Variants in MED12L observed in about 807,000 individuals in gnomAD.
MED12L encodes mediator complex subunit 12L, also known as mediator of RNA polymerase II transcription subunit 12-like protein.
Under a neutral mutation model 281.3 loss-of-function variants are expected in MED12L, and 60 were observed. That is an observed-to-expected ratio of 0.21 (90% CI 0.17 to 0.26). The LOEUF is 0.26. Among genes scored for constraint, MED12L ranks in the 10% least tolerant of loss-of-function variants. The pLI is 1.00. For missense variants in MED12L, 2,146 were observed against 2,680.9 expected (o/e 0.80, Z 4.41); for synonymous variants, 974 against 987.2 (o/e 0.99, Z 0.25).
chr3:151,110,760 TTGTG>T (rs147753454), intron 2 of MED12L, among the ~76,000 whole-genome samples: 1 of 150,262 alleles, frequency 6.7e-6, no homozygotes, highest in Non-Finnish European at 1.5e-5. Context: ...GTATGTATGT[TTGTG>T]TGTGTGTGTG....
In MED12L at chr3:151,190,955, C is replaced by T. The variant is rs117308594; in HGVS notation, c.1968+24C>T. The stretch of plus-strand genomic sequence containing the variant: ...AGGTATGGCCCTGGATATGATGCCC[C>T]ACTCCCCCAGAAACTAAACTCTACT... On this transcript the variant is annotated intron_variant, in intron 14 of 44. Coordinates refer to ENST00000687756, the MANE Select transcript of MED12L (RefSeq NM_001393769.1). 3.3e-4 allele frequency: 525 copies of T among 1,601,768 alleles called. 6 individuals are homozygous for T. The East Asian group carries it at 8.5e-3, about 26-fold the overall frequency.
chr3:151,215,081 T>C (rs189035850), intron 16 of MED12L, among the ~76,000 whole-genome samples: 1 of 152,232 alleles, frequency 6.6e-6, no homozygotes, highest in African/African-American at 2.4e-5. Context: ...GTATTTTTGG[T>C]ATGGGATTAT....
At chr3:151,314,493 A>T (rs1461233386) in intron 16 of MED12L, among the ~76,000 whole-genome samples, 1 of 152,204 alleles carries the variant, frequency 6.6e-6, no homozygotes, top group Non-Finnish European at 1.5e-5. Context: ...GATAGTTACA[A>T]GTATAAGAAC....
intron 11 of MED12L, among the ~76,000 whole-genome samples, chr3:151,179,478 TC>T (rs1483970625): frequency 2.6e-5 from 4 of 152,186 alleles, no homozygotes; most frequent in African/African-American, 9.7e-5. Flanking sequence ...TTTTCTTATG[TC>T]CAAAGAATTG....
rs190651129 is a variant in MED12L, at chr3:151,093,553, G to A, written c.99+6528G>A. ...ATCTTTTGGATAATAAATACTACTCGAAGTATAGTACCTTTTGGTACTAAA... is the reference window on the plus strand; with the variant it reads ...ATCTTTTGGATAATAAATACTACTCAAAGTATAGTACCTTTTGGTACTAAA... On this transcript the variant is annotated intron_variant, in intron 2 of 44. Coordinates refer to ENST00000687756, the MANE Select transcript of MED12L (RefSeq NM_001393769.1). Among the ~76,000 whole-genome samples, 277 of 152,170 alleles carry A rather than the reference G, an allele frequency of 1.8e-3. 1 individual carries two copies. The highest frequency in any genetic ancestry group is 6.3e-3 in the African/African-American group (262 of 41,496).
intron 22 of MED12L, among the ~76,000 whole-genome samples, chr3:151,365,617 G>A (rs886352896): frequency 2.0e-5 from 3 of 152,022 alleles, no homozygotes; most frequent in African/African-American, 4.8e-5. Context: ...ATTCTAATTC[G>A]TGTATGTACT....
At position 151,388,013 on chromosome 3, in the gene MED12L, C is replaced by T. The variant is rs1174520693; in HGVS notation, c.5292C>T (p.Pro1764=). 2 of 1,613,882 alleles carry T rather than the reference C, an allele frequency of 1.2e-6. No homozygotes were observed. Among genetic ancestry groups the T allele is most frequent in the African/African-American group, 1.3e-5 (1 of 74,874 alleles). Residue 1764 remains proline (P), a synonymous_variant, in exon 37 of 45, where the codon CCC becomes CCT. Coordinates refer to ENST00000687756, the MANE Select transcript of MED12L (RefSeq NM_001393769.1). The stretch of plus-strand genomic sequence containing the variant: ...GCAGTTACTACCTCCAGCCACTGCC[C>T]CTGCCTCCTGAGGAGGAAGAGGAAG... ...KPRSYYLQPL[P]LPPEEEEEEP...
Position 151,378,023 on chromosome 3 carries a change from G to T in MED12L, c.4328G>T (p.Arg1443Leu), listed in dbSNP as rs1281559445. 1.2e-6 allele frequency: 2 copies of T among 1,603,518 alleles called. No homozygotes were observed. Among genetic ancestry groups the T allele is most frequent in the Non-Finnish European group, 1.7e-6 (2 of 1,173,778 alleles). The change falls in exon 31 of 45, where the codon CGC (arginine) becomes CTC (leucine). Residue 1443 changes from arginine (R) to leucine (L), a missense_variant. Arg to Leu is a moderately radical substitution (Grantham distance 102, BLOSUM62 -2). Coordinates refer to ENST00000687756, the MANE Select transcript of MED12L (RefSeq NM_001393769.1). ...GTTTCTGATTTTAGTTCCTCCGAAC[G>T]CAGGGGTGTATGGTTGGTGGCCCCC... ...GIKTFLSSSERRGVWLVAPLI... is the reference protein window; with the variant it reads ...GIKTFLSSSELRGVWLVAPLI...
chr3:151,107,447 G>A (rs1243971929), intron 2 of MED12L, among the ~76,000 whole-genome samples: 2 of 152,052 alleles, frequency 1.3e-5, no homozygotes, highest in Non-Finnish European at 2.9e-5. Flanking sequence ...CTTGGAATTC[G>A]CTCACTATGG....
intron 16 of MED12L, among the ~76,000 whole-genome samples, chr3:151,217,934 G>A (rs933003151): frequency 3.9e-5 from 6 of 152,144 alleles, no homozygotes; most frequent in Non-Finnish European, 7.3e-5. Context: ...AGGCAAGTAA[G>A]ACCAAATTAT....
chr3:151,141,572 A>G (rs1204464487), intron 5 of MED12L, among the ~76,000 whole-genome samples: 1 of 152,198 alleles, frequency 6.6e-6, no homozygotes, highest in Non-Finnish European at 1.5e-5. Flanking sequence ...ATAGGAAATA[A>G]TGGATCGACT....
intron 16 of MED12L, among the ~76,000 whole-genome samples, chr3:151,241,233 T>C (rs750201420): frequency 3.3e-5 from 5 of 152,230 alleles, no homozygotes; most frequent in Non-Finnish European, 7.3e-5. Flanking sequence ...GATCAAATTG[T>C]TGATATTTTA....
intron 23 of MED12L, 56 bp downstream of exon 23, chr3:151,366,047 G>A (rs991513522): frequency 2.2e-6 from 3 of 1,359,912 alleles, no homozygotes; most frequent in Non-Finnish European, 2.9e-6. Flanking sequence ...TTTAGTTAGT[G>A]GGTAATCTTT....
intron 15 of MED12L, among the ~76,000 whole-genome samples, chr3:151,193,123 C>G (rs1404054904): frequency 2.0e-5 from 3 of 152,038 alleles, no homozygotes; most frequent in African/African-American, 7.2e-5. Flanking sequence ...ACCTTTATGT[C>G]TATTATTCAT....
chr3:151,328,204 G>A, intron 16 of MED12L: 1 of 1,612,800 alleles, frequency 6.2e-7, no homozygotes, highest in Non-Finnish European at 8.5e-7. Flanking sequence ...CAGTCTTATT[G>A]TTGGTTTGAC....
Position 151,239,445 on chromosome 3 carries a change from A to G in MED12L, c.2250+45779A>G, listed in dbSNP as rs370693997. Reference sequence around the variant, plus strand: ...CTAAACATTTTGCAAGAGATTGGACATGGAAGTGGATATGAGAATCCAACT... The same window carrying G: ...CTAAACATTTTGCAAGAGATTGGACGTGGAAGTGGATATGAGAATCCAACT... On this transcript the variant is annotated intron_variant, in intron 16 of 44. Coordinates refer to ENST00000687756, the MANE Select transcript of MED12L (RefSeq NM_001393769.1). Among the ~76,000 whole-genome samples, 31 of 152,356 alleles carry G rather than the reference A, an allele frequency of 2.0e-4. No individual in the cohort carries two copies. In the East Asian group the frequency reaches 5.6e-3, roughly 28 times the overall value.
intron 16 of MED12L, among the ~76,000 whole-genome samples, chr3:151,318,692 A>G (rs1327952754): frequency 6.6e-6 from 1 of 152,174 alleles, no homozygotes; most frequent in Non-Finnish European, 1.5e-5. Context: ...TTATTCTGAC[A>G]GATATTTGAC....
intron 43 of MED12L, among the ~76,000 whole-genome samples, chr3:151,421,448 T>C (rs142501928): frequency 6.8e-4 from 104 of 152,152 alleles, no homozygotes; most frequent in Non-Finnish European, 1.1e-3. Flanking sequence ...TGTTGCTCTC[T>C]CACCCAGGCT....
chr3:151,364,820 A>C (rs1560080336), intron 21 of MED12L, among the ~76,000 whole-genome samples, 159 bp from the exon 22 acceptor site: 2 of 152,190 alleles, frequency 1.3e-5, no homozygotes, highest in South Asian at 4.1e-4. Flanking sequence ...TACTTTGATT[A>C]GCGCCAATTA....
Sources: allele counts gnomAD v4.1 joint callset (sites outside exome capture counted in the v4.1 genomes callset), GRCh38; gene constraint gnomAD v4.1.1; transcripts MANE v1.5; gene names NCBI Gene and HGNC (gene_info 2026-07-23, HGNC 2026-07-21).